SLC25A16: variants seen among roughly 807,000 people sequenced by gnomAD.
SLC25A16 encodes the protein mitochondrial coenzyme A transporter SLC25A16.
Under a neutral mutation model 41.5 loss-of-function variants are expected in SLC25A16, and 39 were observed. The ratio of observed to expected loss-of-function variants is 0.94; its 90% CI spans 0.73 to 1.23. SLC25A16 has a LOEUF of 1.23. Ranked by LOEUF, SLC25A16 falls within the 50% of genes most tolerant of loss-of-function variation. SLC25A16 has a pLI of 0.00. For missense variants in SLC25A16, 421 were observed against 426.9 expected (o/e 0.99, Z 0.12); for synonymous variants, 146 against 147.8 (o/e 0.99, Z 0.09).
chr10:68,504,064 G>A (rs915655006), intron 3 of SLC25A16, among the ~76,000 whole-genome samples: 3 of 118,140 alleles, frequency 2.5e-5, no homozygotes, highest in Non-Finnish European at 4.8e-5. Context: ...CTCGCTCTGT[G>A]TCCCAGGCTG....
Position 68,506,701 on chromosome 10 carries a change from G to A in SLC25A16, c.241C>T (p.Arg81Cys), listed in dbSNP as rs866573632. 10 of 1,578,276 alleles carry A rather than the reference G, an allele frequency of 6.3e-6. No individual in the cohort carries two copies. The highest frequency in any genetic ancestry group is 4.1e-5 in the African/African-American group (3 of 73,444). The change falls in exon 3 of 9, where the codon CGT becomes TGT. Residue 81 changes from arginine to cysteine, a missense_variant. Transcript: ENST00000609923. ...YKHLGVFSALRAVPQKEGFLG... is the reference protein window; with the variant it reads ...YKHLGVFSALCAVPQKEGFLG... Reference sequence around the variant, plus strand: ...AATCCTTCTTTTTGAGGAACAGCACGCAATGCAGAAAATACTCCTATTTTT... The same window carrying A: ...AATCCTTCTTTTTGAGGAACAGCACACAATGCAGAAAATACTCCTATTTTT...
At chr10:68,505,341 T>C (rs973716601) in intron 3 of SLC25A16, among the ~76,000 whole-genome samples, 1 of 147,900 alleles carries the variant, frequency 6.8e-6, no homozygotes. Context: ...AGAGAAACTA[T>C]CTCAAAAAAG....
Position 68,480,383 on chromosome 10 carries a change from G to A in SLC25A16, c.*3049C>T, listed in dbSNP as rs1310394177. On this transcript the variant is annotated 3_prime_UTR_variant, in exon 9 of 9. Transcript: ENST00000609923. Reference sequence around the variant, plus strand: ...GAAAGAAAGAAATTGTCAAAACATGGATAAAATTTATTTTTAATATCCTCT... The same window carrying A: ...GAAAGAAAGAAATTGTCAAAACATGAATAAAATTTATTTTTAATATCCTCT... The A allele has an allele frequency of 6.6e-6, 1 of 151,616 alleles. No homozygotes were observed. Among genetic ancestry groups the A allele is most frequent in the African/African-American group, 2.4e-5 (1 of 41,260 alleles). 9.4% of individuals were successfully genotyped at this position (151,616 alleles called of 1,614,324 possible).
chr10:68,497,605 C>CT (rs5785865), intron 4 of SLC25A16, among the ~76,000 whole-genome samples: 30,926 of 138,340 alleles, frequency 0.22, 3,587 homozygotes, highest in Admixed American at 0.31. Flanking sequence ...CTTCTAACAT[C>CT]TTTTTTTTTT....
At position 68,480,388 on chromosome 10, in the gene SLC25A16, A is replaced by G. The variant is rs1283109231; in HGVS notation, c.*3044T>C. ...AAAGAAATTGTCAAAACATGGATAAAATTTATTTTTAATATCCTCTGTATT... is the reference window on the plus strand; with the variant it reads ...AAAGAAATTGTCAAAACATGGATAAGATTTATTTTTAATATCCTCTGTATT... On this transcript the variant is annotated 3_prime_UTR_variant, in exon 9 of 9. Coordinates refer to ENST00000609923, the MANE Select transcript of SLC25A16 (RefSeq NM_152707.4). The G allele has an allele frequency of 6.6e-6, 1 of 152,122 alleles. No individual in the cohort carries two copies. The highest frequency in any genetic ancestry group is 1.5e-5 in the Non-Finnish European group (1 of 68,040). The allele number at this position is 152,122 out of a possible 1,614,324, so 9.4% of individuals were successfully genotyped here.
intron 6 of SLC25A16, among the ~76,000 whole-genome samples, chr10:68,491,819 T>C (rs1174891897): frequency 6.6e-6 from 1 of 151,950 alleles, no homozygotes; most frequent in Non-Finnish European, 1.5e-5. Context: ...GCTTGCTTGA[T>C]TGATTGATTG....
rs1480209220 is a variant in SLC25A16, at chr10:68,488,543, G to A, written c.697C>T (p.Pro233Ser). 6.2e-7 allele frequency: 1 copy of A among 1,600,450 alleles called. No individual in the cohort carries two copies. The highest frequency in any genetic ancestry group is 8.5e-7 in the Non-Finnish European group (1 of 1,176,352). The stretch of plus-strand genomic sequence containing the variant: ...TGAGTTTTCAAAACTAAGACATTAG[G>A]ATTGTCTGATGAAGGTCTGCCAAGA... ...TLLGRPSSDN[P>S]NVLVLKTHVN... The change falls in exon 7 of 9, where the codon CCT (proline) becomes TCT (serine). Residue 233 changes from proline (P) to serine (S), a missense_variant. By Grantham distance (74) the Pro-to-Ser change is moderately conservative (BLOSUM62 -1). Coordinates refer to ENST00000609923, the MANE Select transcript of SLC25A16 (RefSeq NM_152707.4).
intron 3 of SLC25A16, among the ~76,000 whole-genome samples, chr10:68,505,438 TC>T (rs1379044478): frequency 6.6e-6 from 1 of 152,306 alleles, no homozygotes; most frequent in East Asian, 1.9e-4. Flanking sequence ...ATTATTATCT[TC>T]TTTAAAGATA....
At chr10:68,488,296 A>G (rs35501618) in intron 7 of SLC25A16, among the ~76,000 whole-genome samples, 171 bp downstream of exon 7, 3,591 of 151,916 alleles carry the variant, frequency 0.024, 74 homozygotes, top group Non-Finnish European at 0.038. Context: ...AATTATTTAT[A>G]ATATGCTTAA....
chr10:68,504,762 C>T (rs1295706281), intron 3 of SLC25A16, among the ~76,000 whole-genome samples: 2 of 151,844 alleles, frequency 1.3e-5, no homozygotes, highest in Non-Finnish European at 2.9e-5. Context: ...CTCACTGCAA[C>T]CTCCGTATCC....
chr10:68,484,355 T>C (rs1294707185), intron 8 of SLC25A16, among the ~76,000 whole-genome samples: 1 of 152,032 alleles, frequency 6.6e-6, no homozygotes, highest in Non-Finnish European at 1.5e-5. Flanking sequence ...TCCTTTCCTT[T>C]CAAACCAATA....
intron 6 of SLC25A16, among the ~76,000 whole-genome samples, chr10:68,490,441 C>G (rs1484012835): frequency 6.6e-6 from 1 of 151,530 alleles, no homozygotes; most frequent in African/African-American, 2.4e-5. Flanking sequence ...CTCCTGGGTT[C>G]AAGCGATTCT....
In SLC25A16 at chr10:68,481,488, C is replaced by CG. The variant is rs2052483067; in HGVS notation, c.*1943dup. On this transcript the variant is annotated 3_prime_UTR_variant, in exon 9 of 9. Coordinates refer to ENST00000609923, the MANE Select transcript of SLC25A16 (RefSeq NM_152707.4). ...TTTTCCTTCTTTTGTTTGAAAGAAA[C>CG]GGGGTCTCACTATGTTGCCCAGGCT... 6.6e-6 allele frequency: 1 copy of CG among 151,966 alleles called. No homozygotes were observed. Among genetic ancestry groups the CG allele is most frequent in the Non-Finnish European group, 1.5e-5 (1 of 67,978 alleles). The allele number at this position is 151,966 out of a possible 1,614,324, so 9.4% of individuals were successfully genotyped here. A position where few individuals can be genotyped will look rare whatever the true frequency, so the allele number is the denominator to read the frequency against.
intron 1 of SLC25A16, among the ~76,000 whole-genome samples, chr10:68,521,574 C>A (rs2053249738): frequency 7.1e-6 from 1 of 141,512 alleles, no homozygotes; most frequent in Non-Finnish European, 1.5e-5. Flanking sequence ...GTGGGTCATG[C>A]CTGTAATCTT....
At chr10:68,514,466 A>C (rs1393997825) in intron 2 of SLC25A16, among the ~76,000 whole-genome samples, 2 of 152,200 alleles carry the variant, frequency 1.3e-5, no homozygotes, top group Non-Finnish European at 2.9e-5. Flanking sequence ...GCTGCACTCC[A>C]GCCTGGGCAA....
intron 1 of SLC25A16, 89 bp downstream of exon 1, chr10:68,527,157 A>C: frequency 7.3e-7 from 1 of 1,362,500 alleles, no homozygotes; most frequent in Non-Finnish European, 9.9e-7. Flanking sequence ...AGAGTCCAGG[A>C]ATGTCATAGA....
At chr10:68,517,388 A>T (rs890435981) in intron 1 of SLC25A16, 22 of 296,950 alleles carry the variant, frequency 7.4e-5, no homozygotes, top group Non-Finnish European at 1.1e-4. Context: ...AGATGAAAGT[A>T]GAATAAAGTG....
rs60845242 is a variant in SLC25A16 at position 68,495,781 on chromosome 10, C to CAAAAA, written c.422-2216_422-2212dup. Among the ~76,000 whole-genome samples, 220 of 86,950 alleles carry CAAAAA rather than the reference C, an allele frequency of 2.5e-3. 2 individuals are homozygous for CAAAAA. The highest frequency in any genetic ancestry group is 0.024 in the Middle Eastern group (3 of 124). 57.0% of individuals were successfully genotyped at this position (86,950 alleles called of 152,430 possible). ...TGGGCAACAGAGTTAGACTATGTCT[C>CAAAAA]AAAAAAAAAAAAAAAAAAAAGAGAA... On this transcript the variant is annotated intron_variant, in intron 4 of 8. Transcript: ENST00000609923.
At chr10:68,515,306 G>A (rs1335699612) in intron 2 of SLC25A16, among the ~76,000 whole-genome samples, 6 of 148,328 alleles carry the variant, frequency 4.0e-5, no homozygotes, top group African/African-American at 9.9e-5. Flanking sequence ...GTGGTGAGCC[G>A]AGATAGCGCC....
Sources: allele counts gnomAD v4.1 joint callset (sites outside exome capture counted in the v4.1 genomes callset), GRCh38; gene constraint gnomAD v4.1.1; transcripts MANE v1.5; gene names NCBI Gene and HGNC (gene_info 2026-07-23, HGNC 2026-07-21).